The following GATA4 variants were observed in gnomAD, a reference collection of about 807,000 sequenced individuals.
The protein encoded by GATA4 is transcription factor GATA-4.
In GATA4, 7 loss-of-function variants were observed where a neutral mutation model predicts 37.9. The ratio of observed to expected loss-of-function variants is 0.18; its 90% CI spans 0.11 to 0.35. GATA4 has a LOEUF of 0.35. GATA4 is among the 10% of genes least tolerant of loss of function. The pLI is 1.00. For synonymous variants in GATA4, 372 were observed against 292.6 expected (o/e 1.27, Z -2.77); for missense variants, 647 against 653.0 (o/e 0.99, Z 0.10).
chr8:11,697,520 A>AG (rs1799541154), intron 1 of GATA4: 3 of 981,862 alleles, frequency 3.1e-6, no homozygotes, highest in Admixed American at 6.2e-5. Context: ...GCAGTTGGGG[A>AG]GGGAGAGGTG....
At chr8:11,746,145 C>T (rs1216032448) in intron 2 of GATA4, among the ~76,000 whole-genome samples, 2 of 151,796 alleles carry the variant, frequency 1.3e-5, no homozygotes, top group African/African-American at 4.8e-5. Flanking sequence ...GTAGCGTGTG[C>T]CTGTGGTCCC....
At chr8:11,746,433 G>A (rs1802033274) in intron 2 of GATA4, among the ~76,000 whole-genome samples, 1 of 152,106 alleles carries the variant, frequency 6.6e-6, no homozygotes, top group Admixed American at 6.5e-5. Context: ...GGAATGGAAA[G>A]GTGATCTTAC....
At chr8:11,693,458 A>T (rs1799390351) in intron 1 of GATA4, among the ~76,000 whole-genome samples, 3 of 149,000 alleles carry the variant, frequency 2.0e-5, no homozygotes, top group Non-Finnish European at 4.5e-5. Flanking sequence ...CCCTGTGGAG[A>T]AAGAGAGAAA....
intron 1 of GATA4, among the ~76,000 whole-genome samples, chr8:11,677,301 G>T (rs1360039113): frequency 6.6e-6 from 1 of 152,236 alleles, no homozygotes; most frequent in African/African-American, 2.4e-5. Context: ...CCAGGCCGCA[G>T]ACGCCGGGCT....
upstream of GATA4, among the ~76,000 whole-genome samples, chr8:11,690,985 C>T (rs1167749854): frequency 6.6e-6 from 1 of 152,210 alleles, no homozygotes; most frequent in Non-Finnish European, 1.5e-5. Flanking sequence ...TAAGTCTTGG[C>T]TCCACCACCT....
At chr8:11,757,499 A>G (rs930392734) in intron 6 of GATA4, among the ~76,000 whole-genome samples, 1 of 152,232 alleles carries the variant, frequency 6.6e-6, no homozygotes, top group South Asian at 2.1e-4. Flanking sequence ...GCGCTGTCGG[A>G]GGCCGAGCGG....
chr8:11,690,101 G>A (rs552893224), upstream of GATA4, among the ~76,000 whole-genome samples: 9 of 152,326 alleles, frequency 5.9e-5, no homozygotes, highest in East Asian at 1.5e-3. Flanking sequence ...GGCTGTCTCA[G>A]GACTGATAAA....
chr8:11,725,265 G>A (rs1800861192), intron 2 of GATA4, among the ~76,000 whole-genome samples: 1 of 152,260 alleles, frequency 6.6e-6, no homozygotes, highest in Admixed American at 6.5e-5. Context: ...TTTCCCAATA[G>A]CTTTATTTGC....
upstream of GATA4, among the ~76,000 whole-genome samples, chr8:11,703,389 C>G (rs533740512): frequency 9.9e-4 from 150 of 152,252 alleles, no homozygotes; most frequent in African/African-American, 3.3e-3. Flanking sequence ...CAACTCAGGC[C>G]TGACACATTC....
At chr8:11,680,991 A>G in intron 1 of GATA4, 1 of 961,062 alleles carries the variant, frequency 1.0e-6, no homozygotes, top group Non-Finnish European at 1.2e-6. Context: ...CCCCCTGCAG[A>G]GAGACCCCGC....
chr8:11,728,114 C>T (rs965421122), intron 2 of GATA4, among the ~76,000 whole-genome samples: 2 of 152,102 alleles, frequency 1.3e-5, no homozygotes, highest in African/African-American at 4.8e-5. Context: ...CCTCAGCCTC[C>T]CGAGCAGCTG....
chr8:11,696,937 G>T (rs927299376), intron 1 of GATA4, among the ~76,000 whole-genome samples: 2 of 152,236 alleles, frequency 1.3e-5, no homozygotes, highest in Non-Finnish European at 2.9e-5. Flanking sequence ...CTGGGCATCT[G>T]CAGAGACTTC....
chr8:11,750,081 G>T (rs1802225617), intron 3 of GATA4, 30 bp from the exon 4 acceptor site: 8 of 1,613,928 alleles, frequency 5.0e-6, no homozygotes, highest in Non-Finnish European at 6.8e-6. Context: ...CTTTTACTTG[G>T]ACATGAAGCA....
intron 2 of GATA4, among the ~76,000 whole-genome samples, chr8:11,713,155 A>C (rs369176429): frequency 6.6e-6 from 1 of 152,208 alleles, no homozygotes; most frequent in African/African-American, 2.4e-5. Context: ...ATAAATAATA[A>C]AAGTTAACAG....
chr8:11,678,334 T>A (rs1385599375), intron 1 of GATA4, among the ~76,000 whole-genome samples: 2 of 152,138 alleles, frequency 1.3e-5, no homozygotes, highest in Admixed American at 6.5e-5. Flanking sequence ...AGAAAATTGT[T>A]CCCTTTGACT....
chr8:11,755,718 A>G (rs1427164024), intron 5 of GATA4, among the ~76,000 whole-genome samples: 1 of 152,210 alleles, frequency 6.6e-6, no homozygotes, highest in Non-Finnish European at 1.5e-5. Flanking sequence ...AACGAGGGTC[A>G]TACAGCTGTT....
At chr8:11,741,441 T>C (rs1309707553) in intron 2 of GATA4, among the ~76,000 whole-genome samples, 1 of 151,850 alleles carries the variant, frequency 6.6e-6, no homozygotes, top group Non-Finnish European at 1.5e-5. Flanking sequence ...ACTGAGCTGC[T>C]GGACTCCAGC....
At chr8:11,728,198 A>T (rs142791016) in intron 2 of GATA4, among the ~76,000 whole-genome samples, 62 of 152,330 alleles carry the variant, frequency 4.1e-4, no homozygotes, top group African/African-American at 1.3e-3. Context: ...CATGTTGGCC[A>T]AGCTGGTCTC....
intron 2 of GATA4, among the ~76,000 whole-genome samples, chr8:11,748,014 G>C (rs1311321809): frequency 6.6e-6 from 1 of 152,150 alleles, no homozygotes; most frequent in Non-Finnish European, 1.5e-5. Context: ...GACCATTTGA[G>C]GTCAGGAGTT....
Sources: gnomAD v4.1 joint callset for allele counts (sites outside exome capture counted in the v4.1 genomes callset) on GRCh38, gnomAD v4.1.1 for gene constraint, MANE v1.5 for transcripts, NCBI Gene and HGNC (gene_info 2026-07-23, HGNC 2026-07-21) for gene names.